The following MCC variants were observed in gnomAD, a reference collection of about 807,000 sequenced individuals.
The protein encoded by MCC is MCC regulator of Wnt signaling pathway.
Under a neutral mutation model 116.2 loss-of-function variants are expected in MCC, and 90 were observed. That is an observed-to-expected ratio of 0.77 (90% CI 0.65 to 0.92). The LOEUF (loss-of-function observed/expected upper bound fraction) is 0.92, where lower values mean the gene tolerates loss of function less well. Among genes scored for constraint, MCC ranks in the 40% least tolerant of loss-of-function variants. The pLI is 0.00. For missense variants in MCC, 1,516 were observed against 1,312.2 expected, an observed-to-expected ratio of 1.16 and a Z score of -2.40; for synonymous variants, 578 against 510.5, an observed-to-expected ratio of 1.13 and a Z score of -1.78.
intron 6 of MCC, among the ~76,000 whole-genome samples, chr5:113,110,101 G>A (rs1386316037): frequency 6.6e-6 from 1 of 152,146 alleles, no homozygotes; most frequent in East Asian, 1.9e-4. Flanking sequence ...TTACAGGCGT[G>A]AGCTACCTGT....
intron 3 of MCC, among the ~76,000 whole-genome samples, chr5:113,181,650 C>T (rs992871590): frequency 2.6e-5 from 4 of 152,040 alleles, no homozygotes; most frequent in Admixed American, 6.6e-5. Flanking sequence ...GTAACTAGTC[C>T]CCAGAGAGGA....
intron 3 of MCC, among the ~76,000 whole-genome samples, chr5:113,243,702 G>C (rs1267720554): frequency 2.0e-5 from 3 of 147,088 alleles, no homozygotes; most frequent in Non-Finnish European, 1.5e-5. Flanking sequence ...ACCGGTCACT[G>C]GCTCAATTGC....
At chr5:113,048,412 G>A (rs555645489) in intron 16 of MCC, among the ~76,000 whole-genome samples, 4 of 152,152 alleles carry the variant, frequency 2.6e-5, no homozygotes, top group African/African-American at 7.2e-5. Flanking sequence ...CAGCATAGCC[G>A]CAGTGTAGAC....
At chr5:113,211,663 A>G (rs1226844699) in intron 3 of MCC, among the ~76,000 whole-genome samples, 3 of 152,222 alleles carry the variant, frequency 2.0e-5, no homozygotes, top group Non-Finnish European at 4.4e-5. Flanking sequence ...GTTTATATAA[A>G]TAGCAGAATT....
chr5:113,290,003 C>T (rs576517571), intron 3 of MCC, among the ~76,000 whole-genome samples: 2 of 152,314 alleles, frequency 1.3e-5, no homozygotes, highest in East Asian at 1.9e-4. Context: ...ATCTTTCAGG[C>T]CCCTTCCAAT....
At chr5:113,420,783 A>G (rs1167016680) in intron 1 of MCC, among the ~76,000 whole-genome samples, 1 of 152,116 alleles carries the variant, frequency 6.6e-6, no homozygotes, top group Non-Finnish European at 1.5e-5. Context: ...GGCAGGGAGG[A>G]CGGCAGCACA....
intron 6 of MCC, among the ~76,000 whole-genome samples, chr5:113,113,799 A>T (rs1030649288): frequency 1.3e-5 from 2 of 152,164 alleles, no homozygotes; most frequent in Non-Finnish European, 2.9e-5. Context: ...AAACAGCAGG[A>T]GGGAGGATCT....
At chr5:113,068,018 A>G (rs1753742644) in intron 13 of MCC, 62 bp downstream of exon 13, 2 of 1,411,382 alleles carry the variant, frequency 1.4e-6, no homozygotes, top group Non-Finnish European at 2.0e-6. Flanking sequence ...TTGCTGAGAC[A>G]GGGGCAGAAG....
chr5:113,078,589 C>G (rs1490158036), intron 11 of MCC, among the ~76,000 whole-genome samples: 1 of 152,160 alleles, frequency 6.6e-6, no homozygotes, highest in Non-Finnish European at 1.5e-5. Context: ...GCAGAAAAGG[C>G]CTTTGACAAC....
chr5:113,243,305 A>G (rs1347323599), intron 3 of MCC, among the ~76,000 whole-genome samples: 3 of 152,180 alleles, frequency 2.0e-5, no homozygotes, highest in African/African-American at 2.4e-5. Context: ...ATTTTATTAA[A>G]AGAAACAATT....
At chr5:113,108,561 G>C (rs1756891417) in intron 6 of MCC, among the ~76,000 whole-genome samples, 1 of 151,538 alleles carries the variant, frequency 6.6e-6, no homozygotes, top group Admixed American at 6.6e-5. Flanking sequence ...GCTGAGGCAG[G>C]AGAATCGCTT....
At chr5:113,460,311 T>A (rs914896360) in intron 1 of MCC, among the ~76,000 whole-genome samples, 1 of 152,122 alleles carries the variant, frequency 6.6e-6, no homozygotes, top group Non-Finnish European at 1.5e-5. Flanking sequence ...TGAGGCACCT[T>A]TTCGGTGGGG....
intron 2 of MCC, among the ~76,000 whole-genome samples, chr5:113,347,771 AAGAC>A (rs972762673): frequency 2.7e-5 from 4 of 147,792 alleles, no homozygotes; most frequent in African/African-American, 1.0e-4. Flanking sequence ...CTATAATGAA[AAGAC>A]AGAGTGCCTA....
At chr5:113,201,742 G>A (rs1762689423) in intron 3 of MCC, among the ~76,000 whole-genome samples, 1 of 152,098 alleles carries the variant, frequency 6.6e-6, no homozygotes, top group Admixed American at 6.5e-5. Flanking sequence ...GTTTAGTAAA[G>A]GTTCATTAAT....
chr5:113,405,674 G>T (rs1429381381), intron 1 of MCC, among the ~76,000 whole-genome samples: 1 of 151,986 alleles, frequency 6.6e-6, no homozygotes, highest in Non-Finnish European at 1.5e-5. Context: ...AGGCGTGGTG[G>T]CATGTGCCTG....
At chr5:113,143,811 C>T (rs962985977) in intron 4 of MCC, among the ~76,000 whole-genome samples, 1 of 152,212 alleles carries the variant, frequency 6.6e-6, no homozygotes, top group African/African-American at 2.4e-5. Context: ...CAGCTCCCTT[C>T]CCAAGTTCCT....
chr5:113,203,303 G>GGGGTTGGTCTCGCCTGCC (rs1212665991), intron 3 of MCC: 1 of 152,244 alleles, frequency 6.6e-6, no homozygotes, highest in Admixed American at 6.5e-5. Context: ...GGCACAGTCC[G>GGGGTTGGTCTCGCCTGCC]GGGTTGGTCT....
intron 10 of MCC, among the ~76,000 whole-genome samples, chr5:113,083,710 C>T (rs960983401): frequency 6.6e-6 from 1 of 152,158 alleles, no homozygotes; most frequent in Non-Finnish European, 1.5e-5. Flanking sequence ...AACATTCCTC[C>T]TCAGTGGAAA....
chr5:113,239,775 T>A (rs73244770), intron 3 of MCC, among the ~76,000 whole-genome samples: 16,156 of 152,180 alleles, frequency 0.11, 1,372 homozygotes, highest in Admixed American at 0.25. Context: ...CATTTCTCAT[T>A]TGTCAGATTT....
Sources: allele counts gnomAD v4.1 joint callset (sites outside exome capture counted in the v4.1 genomes callset), GRCh38; gene constraint gnomAD v4.1.1; transcripts MANE v1.5; gene names NCBI Gene and HGNC (gene_info 2026-07-23, HGNC 2026-07-21).